The following ADAMTSL1 variants were observed in gnomAD, a reference collection of about 807,000 sequenced individuals.
ADAMTSL1 encodes ADAMTS-like protein 1.
A neutral mutation model predicts 201.8 loss-of-function variants in ADAMTSL1; 126 were observed. The ratio of observed to expected loss-of-function variants is 0.62; its 90% confidence interval spans 0.54 to 0.72. The LOEUF is 0.72. Ranked by LOEUF, ADAMTSL1 falls within the 30% of genes least tolerant of loss-of-function variation. The probability of loss-of-function intolerance (pLI) is 0.00; values close to 1 mark genes in which losing one functional copy is unlikely to be tolerated. For missense variants in ADAMTSL1, 2,679 were observed against 2,277.8 expected, an observed-to-expected ratio of 1.18 and a Z score of -3.59; for synonymous variants, 1,121 against 903.4, an observed-to-expected ratio of 1.24 and a Z score of -4.32.
At chr9:17,930,884 C>G (rs544832267) in intron 1 of ADAMTSL1, among the ~76,000 whole-genome samples, 1 of 152,128 alleles carries the variant, frequency 6.6e-6, no homozygotes, top group African/African-American at 2.4e-5. Context: ...TCATAATATG[C>G]GCTGATTAGT....
chr9:18,392,663 A>G (rs1380416066), intron 2 of ADAMTSL1, among the ~76,000 whole-genome samples: 2 of 152,250 alleles, frequency 1.3e-5, no homozygotes, highest in African/African-American at 4.8e-5. Flanking sequence ...CCTCAAAAAC[A>G]TAGTAGGATG....
At chr9:17,937,796 A>G (rs1827076989) in intron 1 of ADAMTSL1, among the ~76,000 whole-genome samples, 2 of 152,206 alleles carry the variant, frequency 1.3e-5, no homozygotes, top group Admixed American at 1.3e-4. Context: ...AAATTAGGAA[A>G]TGAGGAAGAC....
chr9:18,144,077 ACT>A (rs1826519133), intron 1 of ADAMTSL1, among the ~76,000 whole-genome samples: 1 of 152,134 alleles, frequency 6.6e-6, no homozygotes, highest in Non-Finnish European at 1.5e-5. Context: ...GAAGAATGGA[ACT>A]CTCTCCTGAT....
At chr9:18,084,828 C>G (rs908016926) in intron 1 of ADAMTSL1, among the ~76,000 whole-genome samples, 1 of 151,774 alleles carries the variant, frequency 6.6e-6, no homozygotes, top group African/African-American at 2.4e-5. Context: ...ACATTATAAT[C>G]AGGTAAAGCA....
intron 20 of ADAMTSL1, among the ~76,000 whole-genome samples, chr9:18,808,933 C>G (rs1418635530): frequency 1.3e-5 from 2 of 152,144 alleles, no homozygotes; most frequent in East Asian, 1.9e-4. Context: ...GTTTCTGCCT[C>G]TCAGGGTTGT....
intron 2 of ADAMTSL1, among the ~76,000 whole-genome samples, chr9:18,414,011 G>T (rs1818564112): frequency 6.6e-6 from 1 of 152,194 alleles, no homozygotes; most frequent in African/African-American, 2.4e-5. Flanking sequence ...AGTGACAAAA[G>T]AGCAAAGGGA....
Position 18,289,855 on chromosome 9 carries a change from TC to T in ADAMTSL1, c.207+125876del, listed in dbSNP as rs1225716321. 3.3e-5 allele frequency among the ~76,000 whole-genome samples: 5 copies of T among 152,202 alleles called. No individual in the cohort carries two copies. In the East Asian group the frequency reaches 9.6e-4, roughly 29 times the overall value. ...ACAGGCTGGAACTTTCAGCAAAGTT[TC>T]CAGTTTATAATTCAAAGGAAAACAA... On this transcript the variant is annotated intron_variant, in intron 2 of 29. Coordinates refer to the ADAMTSL1 transcript ENST00000680146.
At chr9:18,003,037 C>G (rs1352357551) in intron 1 of ADAMTSL1, among the ~76,000 whole-genome samples, 1 of 151,986 alleles carries the variant, frequency 6.6e-6, no homozygotes, top group East Asian at 1.9e-4. Context: ...AGCTTCCAGG[C>G]CCATCCTGGA....
At chr9:18,036,756 T>G (rs933616193) in intron 1 of ADAMTSL1, among the ~76,000 whole-genome samples, 2 of 152,190 alleles carry the variant, frequency 1.3e-5, no homozygotes, top group African/African-American at 4.8e-5. Context: ...TCTCCTGCTT[T>G]CAGTATATAG....
intron 2 of ADAMTSL1, among the ~76,000 whole-genome samples, chr9:18,168,373 G>A (rs1827728692): frequency 6.6e-6 from 1 of 152,096 alleles, no homozygotes; most frequent in South Asian, 2.1e-4. Flanking sequence ...AGAACATGCG[G>A]TGTTTGGTTT....
intron 2 of ADAMTSL1, among the ~76,000 whole-genome samples, chr9:18,433,943 T>G (rs1819609018): frequency 6.6e-6 from 1 of 152,246 alleles, no homozygotes; most frequent in Non-Finnish European, 1.5e-5. Flanking sequence ...AATTCTCATA[T>G]CTTTTCACCA....
intron 1 of ADAMTSL1, among the ~76,000 whole-genome samples, chr9:17,951,275 C>G (rs747586213): frequency 1.1e-4 from 17 of 152,166 alleles, no homozygotes; most frequent in Non-Finnish European, 2.1e-4. Context: ...CTGCTGTAGA[C>G]AATGCTTCAG....
intron 8 of ADAMTSL1, among the ~76,000 whole-genome samples, chr9:18,661,212 T>G (rs1429267860): frequency 5.3e-5 from 8 of 152,204 alleles, no homozygotes; most frequent in African/African-American, 1.4e-4. Context: ...GAGAGGCTTC[T>G]TTAAACAGTG....
intron 2 of ADAMTSL1, among the ~76,000 whole-genome samples, chr9:18,228,024 C>T (rs1333476369): frequency 6.6e-6 from 1 of 152,204 alleles, no homozygotes; most frequent in East Asian, 1.9e-4. Flanking sequence ...TCCAGTCCAT[C>T]TTACAAGTGA....
intron 1 of ADAMTSL1, among the ~76,000 whole-genome samples, chr9:18,076,152 G>A (rs62548506): frequency 0.064 from 9,785 of 152,150 alleles, 340 homozygotes; most frequent in African/African-American, 0.086. Context: ...ATCTATTCCC[G>A]TGGTTTCACG....
chr9:18,180,450 G>A (rs35727260), intron 2 of ADAMTSL1, among the ~76,000 whole-genome samples: 23,568 of 148,590 alleles, frequency 0.16, 2,111 homozygotes, highest in East Asian at 0.24. Context: ...GGAGAATGGC[G>A]TGAACCCGGG....
chr9:18,007,281 T>C (rs775705147), intron 1 of ADAMTSL1, among the ~76,000 whole-genome samples: 19 of 152,070 alleles, frequency 1.2e-4, no homozygotes, highest in Non-Finnish European at 2.6e-4. Context: ...TTGATGTTTC[T>C]CTCTGATAAC....
intron 1 of ADAMTSL1, among the ~76,000 whole-genome samples, chr9:18,052,442 A>G (rs1821980549): frequency 6.6e-6 from 1 of 152,172 alleles, no homozygotes; most frequent in Non-Finnish European, 1.5e-5. Flanking sequence ...GAGATGGGGG[A>G]GAAGGTTCTA....
At chr9:18,355,631 A>G (rs1836186038) in intron 2 of ADAMTSL1, among the ~76,000 whole-genome samples, 1 of 152,336 alleles carries the variant, frequency 6.6e-6, no homozygotes, top group African/African-American at 2.4e-5. Context: ...GGAATGTTAA[A>G]AGGGTTGTTT....
Sources: gnomAD v4.1 joint callset for allele counts (sites outside exome capture counted in the v4.1 genomes callset) on GRCh38, gnomAD v4.1.1 for gene constraint, MANE v1.5 for transcripts, NCBI Gene and HGNC (gene_info 2026-07-23, HGNC 2026-07-21) for gene names.